Variants in NKAIN3 observed in about 807,000 individuals in gnomAD.
The protein encoded by NKAIN3 is sodium/potassium-transporting ATPase subunit beta-1-interacting protein 3.
NKAIN3 carries 25 observed loss-of-function variants against 30.2 expected under a neutral mutation model. The ratio of observed to expected loss-of-function variants is 0.83; its 90% CI spans 0.60 to 1.16. The LOEUF (loss-of-function observed/expected upper bound fraction) is 1.16, where lower values mean the gene tolerates loss of function less well. Among genes scored for constraint, NKAIN3 ranks in the 50% most tolerant of loss-of-function variants. The pLI is 0.00. For synonymous variants in NKAIN3, 91 were observed against 89.6 expected, an observed-to-expected ratio of 1.02 and a Z score of -0.09; for missense variants, 225 against 254.1, an observed-to-expected ratio of 0.89 and a Z score of 0.78.
At chr8:62,802,152 C>G (rs1818089030) in intron 4 of NKAIN3, among the ~76,000 whole-genome samples, 1 of 152,130 alleles carries the variant, frequency 6.6e-6, no homozygotes, top group South Asian at 2.1e-4. Flanking sequence ...ATTGGTGTAC[C>G]TGAAAGTGAC....
chr8:62,692,764 C>G (rs75129270), intron 3 of NKAIN3, among the ~76,000 whole-genome samples: 2,877 of 152,242 alleles, frequency 0.019, 86 homozygotes, highest in African/African-American at 0.064. Flanking sequence ...TTTTGTTGTT[C>G]AAAAATACCT....
intron 4 of NKAIN3, among the ~76,000 whole-genome samples, chr8:62,871,200 A>G (rs1012288673): frequency 1.3e-5 from 2 of 152,060 alleles, no homozygotes; most frequent in African/African-American, 2.4e-5. Flanking sequence ...CAAGAGTTTG[A>G]GACCAGCCTG....
intron 1 of NKAIN3, among the ~76,000 whole-genome samples, chr8:62,508,331 G>A (rs763996423): frequency 6.6e-6 from 1 of 152,104 alleles, no homozygotes; most frequent in South Asian, 2.1e-4. Context: ...CAAACAATTT[G>A]CTTTAGACCC....
At chr8:62,956,246 T>G (rs1404155123) in intron 6 of NKAIN3, among the ~76,000 whole-genome samples, 1 of 152,214 alleles carries the variant, frequency 6.6e-6, no homozygotes, top group Non-Finnish European at 1.5e-5. Flanking sequence ...GCCAACCTTC[T>G]GTGCGAAATT....
chr8:62,345,430 CATATAT>C lies in NKAIN3; in HGVS notation c.54+96304_54+96309del, dbSNP rs1563942533. ...ATATGTATATATACACATATATACA[CATATAT>C]GTATATATACACACATATGTATATA... is the stretch of plus-strand genomic sequence containing the variant. On this transcript the variant is annotated intron_variant, in intron 1 of 6. Coordinates refer to ENST00000623646, the MANE Select transcript of NKAIN3 (RefSeq NM_001304533.3). Among the ~76,000 whole-genome samples the C allele has an allele frequency of 1.3e-3, 158 of 120,010 alleles. 9 individuals carry two copies. The highest frequency in any genetic ancestry group is 5.0e-3 in the African/African-American group (131 of 26,096). 78.7% of individuals were successfully genotyped at this position (120,010 alleles called of 152,430 possible). A position where few individuals can be genotyped will look rare whatever the true frequency, so the allele number is the denominator to read the frequency against.
intron 1 of NKAIN3, among the ~76,000 whole-genome samples, chr8:62,444,783 T>C (rs13280916): frequency 0.42 from 63,596 of 151,924 alleles, 15,304 homozygotes; most frequent in Non-Finnish European, 0.54. Context: ...AAAACCTCCA[T>C]ACACTTTTCC....
chr8:62,869,231 GT>G (rs1563603093), intron 4 of NKAIN3, among the ~76,000 whole-genome samples: 2 of 152,152 alleles, frequency 1.3e-5, no homozygotes. Flanking sequence ...TGCCATGGTG[GT>G]TTGCTGCACC....
At chr8:62,531,341 T>C (rs1376984607) in intron 1 of NKAIN3, among the ~76,000 whole-genome samples, 1 of 152,166 alleles carries the variant, frequency 6.6e-6, no homozygotes, top group Non-Finnish European at 1.5e-5. Flanking sequence ...TACTAAATCT[T>C]TACCTAACAT....
intron 3 of NKAIN3, among the ~76,000 whole-genome samples, chr8:62,648,434 G>A (rs2130322441): frequency 6.6e-6 from 1 of 152,294 alleles, no homozygotes; most frequent in African/African-American, 2.4e-5. Context: ...TGTTCCCTAA[G>A]AAGCAAGCTG....
intron 1 of NKAIN3, among the ~76,000 whole-genome samples, chr8:62,457,600 C>G (rs1033752941): frequency 3.9e-5 from 6 of 152,156 alleles, no homozygotes; most frequent in Non-Finnish European, 7.4e-5. Flanking sequence ...TTCCTAATTT[C>G]ATTTGAAAAT....
At chr8:62,786,102 C>G (rs1817509060) in intron 4 of NKAIN3, among the ~76,000 whole-genome samples, 1 of 151,980 alleles carries the variant, frequency 6.6e-6, no homozygotes, top group Non-Finnish European at 1.5e-5. Flanking sequence ...AAAAAGTGCT[C>G]AATTCAAGTG....
intron 3 of NKAIN3, among the ~76,000 whole-genome samples, chr8:62,690,570 G>A (rs1281546438): frequency 1.3e-5 from 2 of 152,214 alleles, no homozygotes; most frequent in Non-Finnish European, 2.9e-5. Flanking sequence ...GGAAGTTTCT[G>A]TCTCTGCCTC....
At position 62,248,991 on chromosome 8, in the gene NKAIN3, G is replaced by C; in HGVS notation, c.-83G>C. The C allele has an allele frequency of 7.7e-7, 1 of 1,300,694 alleles. No individual in the cohort carries two copies. The highest frequency in any genetic ancestry group is 1.1e-6 in the Non-Finnish European group (1 of 943,814). 80.6% of individuals were successfully genotyped at this position (1,300,694 alleles called of 1,614,324 possible). A position where few individuals can be genotyped will look rare whatever the true frequency, so the allele number is the denominator to read the frequency against. ...CGAGGAGCCTGGGCCGGGCCGGGCG[G>C]GGACTACTCCGGAGTCAGGAGGCAG... is the stretch of plus-strand genomic sequence containing the variant. On this transcript the variant is annotated 5_prime_UTR_variant, in exon 1 of 7. Transcript: ENST00000623646.
At chr8:62,371,602 C>T (rs1816910009) in intron 1 of NKAIN3, among the ~76,000 whole-genome samples, 1 of 151,768 alleles carries the variant, frequency 6.6e-6, no homozygotes, top group Non-Finnish European at 1.5e-5. Context: ...TTTTGCCTTT[C>T]AATATGGATT....
At chr8:62,796,699 T>C (rs1817872055) in intron 4 of NKAIN3, among the ~76,000 whole-genome samples, 1 of 152,070 alleles carries the variant, frequency 6.6e-6, no homozygotes, top group South Asian at 2.1e-4. Flanking sequence ...AACAAGTATG[T>C]ACAGGATAGT....
At chr8:62,784,385 AGACT>A (rs752185652) in intron 4 of NKAIN3, among the ~76,000 whole-genome samples, 2 of 152,072 alleles carry the variant, frequency 1.3e-5, no homozygotes, top group African/African-American at 4.8e-5. Flanking sequence ...AGCTTTAGCT[AGACT>A]GACTAAGAGA....
intron 4 of NKAIN3, among the ~76,000 whole-genome samples, chr8:62,801,752 G>C (rs1253165124): frequency 6.6e-6 from 1 of 152,196 alleles, no homozygotes. Flanking sequence ...ACCAGCAATG[G>C]AACAAAGCTG....
chr8:62,817,031 G>T (rs905880600), intron 4 of NKAIN3, among the ~76,000 whole-genome samples: 1 of 152,076 alleles, frequency 6.6e-6, no homozygotes, highest in African/African-American at 2.4e-5. Context: ...GCCTCTTTTG[G>T]CTCCAAGCCA....
At chr8:62,812,172 C>A (rs1255390091) in intron 4 of NKAIN3, among the ~76,000 whole-genome samples, 1 of 151,836 alleles carries the variant, frequency 6.6e-6, no homozygotes, top group Non-Finnish European at 1.5e-5. Context: ...TTTCTGGATT[C>A]CCCTTTTTGT....
Sources: allele counts gnomAD v4.1 joint callset (sites outside exome capture counted in the v4.1 genomes callset), GRCh38; gene constraint gnomAD v4.1.1; transcripts MANE v1.5; gene names NCBI Gene and HGNC (gene_info 2026-07-23, HGNC 2026-07-21).